CDHR3: variants seen among roughly 807,000 people sequenced by gnomAD.
The protein encoded by CDHR3 is cadherin-related family member 3.
A neutral mutation model predicts 86.6 loss-of-function variants in CDHR3; 79 were observed. That is an observed-to-expected ratio of 0.91 (90% confidence interval 0.76 to 1.10). CDHR3 has a LOEUF of 1.10. Ranked by LOEUF, CDHR3 falls within the 50% of genes least tolerant of loss-of-function variation. The pLI is 0.00. For missense variants in CDHR3, 1,081 were observed against 1,077.6 expected, an observed-to-expected ratio of 1.00 and a Z score of -0.04; for synonymous variants, 421 against 402.4, an observed-to-expected ratio of 1.05 and a Z score of -0.55.
intron 5 of CDHR3, among the ~76,000 whole-genome samples, chr7:105,995,804 A>AG (rs551245462): frequency 8.0e-4 from 121 of 152,172 alleles, no homozygotes; most frequent in African/African-American, 2.8e-3. Context: ...ATCCAAGCAA[A>AG]GGGGCTGATG....
chr7:105,990,731 G>GC (rs1831225993), intron 4 of CDHR3, among the ~76,000 whole-genome samples: 2 of 151,960 alleles, frequency 1.3e-5, no homozygotes, highest in Admixed American at 6.6e-5. Context: ...TGTTTCTACT[G>GC]AAAGCAACTG....
At position 105,987,875 on chromosome 7, in the gene CDHR3, G is replaced by A. The variant is rs576678714; in HGVS notation, c.513+3586G>A. Among the ~76,000 whole-genome samples the A allele has an allele frequency of 2.8e-4, 43 of 152,260 alleles. No individual in the cohort carries two copies. In the South Asian group the frequency reaches 5.8e-3, roughly 21 times the overall value. On this transcript the variant is annotated intron_variant, in intron 4 of 18. Coordinates refer to ENST00000317716, the MANE Select transcript of CDHR3 (RefSeq NM_152750.5). ...AATATCTTAGGCAATTATTCTGGAC[G>A]AAAAGGCTGGGAACACTGGTTTGTT...
rs770985011 is a variant in CDHR3 at position 106,028,603 on chromosome 7, G to A, written c.2304+21G>A. ...TGGTGGTGAGTATGGGCAGTGTGGG[G>A]CACCAGGCATAGACGCTGGGGGATA... On this transcript the variant is annotated intron_variant, in intron 17 of 18. Transcript: ENST00000317716. 8 of 1,613,560 alleles carry A rather than the reference G, an allele frequency of 5.0e-6. No individual in the cohort carries two copies. In the African/African-American group the frequency reaches 9.3e-5, roughly 19 times the overall value.
At position 106,020,458 on chromosome 7, in the gene CDHR3, A is replaced by T; in HGVS notation, c.1739A>T (p.Lys580Ile). ...TTCCTGGCCCTCCCAGTGGATCTGA[A>T]AGTTGGCACAAATATTCAGAATTTC... ...SYFLALPVDL[K>I]VGTNIQNFKL... The change falls in exon 13 of 19, where the codon AAA becomes ATA. Residue 580 changes from lysine to isoleucine, a missense_variant. Coordinates refer to ENST00000317716, the MANE Select transcript of CDHR3 (RefSeq NM_152750.5). 1 of 1,613,992 alleles carries T rather than the reference A, an allele frequency of 6.2e-7. No individual in the cohort carries two copies. Among genetic ancestry groups the T allele is most frequent in the Non-Finnish European group, 8.5e-7 (1 of 1,179,898 alleles).
intron 18 of CDHR3, 116 bp from the exon 19 acceptor site, chr7:106,032,277 C>A: frequency 1.0e-6 from 1 of 990,284 alleles, no homozygotes; most frequent in Non-Finnish European, 1.5e-6. Flanking sequence ...TGATTCACAC[C>A]TTCTAGTGTG....
intron 5 of CDHR3, among the ~76,000 whole-genome samples, chr7:105,995,296 T>C (rs1832015134): frequency 6.6e-6 from 1 of 152,068 alleles, no homozygotes; most frequent in African/African-American, 2.4e-5. Flanking sequence ...TCAGTCAGTA[T>C]TGTAAACCAT....
chr7:105,967,039 T>G (rs917523045), intron 1 of CDHR3, among the ~76,000 whole-genome samples: 2 of 152,110 alleles, frequency 1.3e-5, no homozygotes, highest in African/African-American at 2.4e-5. Context: ...TGTGCCATGT[T>G]GGTGTGCTGC....
chr7:106,001,502 G>A lies in CDHR3; in HGVS notation c.754G>A (p.Gly252Arg). The A allele has an allele frequency of 6.2e-7, 1 of 1,614,016 alleles. No homozygotes were observed. Among genetic ancestry groups the A allele is most frequent in the African/African-American group, 1.3e-5 (1 of 75,038 alleles). The change falls in exon 7 of 19, where the codon GGA becomes AGA. Residue 252 changes from glycine to arginine, a missense_variant. Coordinates refer to ENST00000317716, the MANE Select transcript of CDHR3 (RefSeq NM_152750.5). ...VYTVLEELSP[G>R]TIVANITAED... The stretch of plus-strand genomic sequence containing the variant: ...CACAGTCCTGGAGGAACTGAGTCCA[G>A]GAACCATCGTGGCCAATATCACAGC...
chr7:105,993,718 C>G (rs1334340588), intron 4 of CDHR3, among the ~76,000 whole-genome samples: 1 of 140,362 alleles, frequency 7.1e-6, no homozygotes, highest in African/African-American at 2.6e-5. Flanking sequence ...AGAAGAAGAA[C>G]TTGGACCTTG....
chr7:106,030,818 TG>T lies in CDHR3; in HGVS notation c.2332del (p.Asp778MetfsTer5). The T allele has an allele frequency of 1.2e-6, 2 of 1,611,604 alleles. No homozygotes were observed. The highest frequency in any genetic ancestry group is 1.7e-6 in the Non-Finnish European group (2 of 1,178,978). ...AAACTATCCAGATGAACACTATCTTTGATGGAGAAGCCATAGATCCAGGTAA... is the reference window on the plus strand; with the variant it reads ...AAACTATCCAGATGAACACTATCTTTATGGAGAAGCCATAGATCCAGGTAA... ...VETIQMNTIF[D>X]GEAIDPVTGE... On this transcript the variant is annotated frameshift_variant, in exon 18 of 19. Coordinates refer to ENST00000317716, the MANE Select transcript of CDHR3 (RefSeq NM_152750.5). LOFTEE classifies it high-confidence loss of function. The surrounding 1 kb of genome is among the most constrained non-coding windows in gnomAD (Gnocchi z 4.8).
At chr7:105,983,912 C>G (rs1300986503) in intron 3 of CDHR3, among the ~76,000 whole-genome samples, 3 of 152,100 alleles carry the variant, frequency 2.0e-5, no homozygotes, top group African/African-American at 7.2e-5. Context: ...TCCTTCTTCC[C>G]CCACCTCAAA....
At chr7:105,969,561 A>G (rs1238254198) in intron 1 of CDHR3, among the ~76,000 whole-genome samples, 1 of 152,230 alleles carries the variant, frequency 6.6e-6, no homozygotes, top group Non-Finnish European at 1.5e-5. Context: ...CGTTGAGGCC[A>G]GTTATAGAAC....
chr7:105,987,298 G>C (rs947747658), intron 4 of CDHR3, among the ~76,000 whole-genome samples: 1 of 152,172 alleles, frequency 6.6e-6, no homozygotes, highest in Non-Finnish European at 1.5e-5. Context: ...GGTACTCAGA[G>C]TTGCAGCAGA....
chr7:105,976,254 G>A (rs1443559450), intron 2 of CDHR3, among the ~76,000 whole-genome samples: 1 of 152,152 alleles, frequency 6.6e-6, no homozygotes, highest in Non-Finnish European at 1.5e-5. Context: ...TGTTGACAGT[G>A]CTTTGCGTGT....
intron 2 of CDHR3, among the ~76,000 whole-genome samples, chr7:105,976,007 G>T (rs1434169625): frequency 6.6e-6 from 1 of 152,190 alleles, no homozygotes; most frequent in Non-Finnish European, 1.5e-5. Flanking sequence ...CAGATTTCCG[G>T]TATTCTCATC....
chr7:106,019,288 T>C (rs1242915847), intron 12 of CDHR3, among the ~76,000 whole-genome samples: 1 of 152,168 alleles, frequency 6.6e-6, no homozygotes, highest in Non-Finnish European at 1.5e-5. Context: ...CTTCCTCCGA[T>C]AACTTGCTTT....
At position 105,980,967 on chromosome 7, in the gene CDHR3, G is replaced by C. The variant is rs1209518807; in HGVS notation, c.250-1G>C. 6.2e-7 allele frequency: 1 copy of C among 1,602,742 alleles called. No individual in the cohort carries two copies. The highest frequency in any genetic ancestry group is 1.7e-5 in the Admixed American group (1 of 58,104). On this transcript the variant is annotated splice_acceptor_variant, in intron 2 of 18. Transcript: ENST00000317716. LOFTEE classifies it high-confidence loss of function. Reference sequence around the variant, plus strand: ...ACTAAGAATTTTGCATTTTGTTTTAGGTTGTCACCACTGGGATGGAACAAC... The same window carrying C: ...ACTAAGAATTTTGCATTTTGTTTTACGTTGTCACCACTGGGATGGAACAAC...
intron 3 of CDHR3, among the ~76,000 whole-genome samples, chr7:105,981,407 A>G (rs1829712249): frequency 6.6e-6 from 1 of 152,148 alleles, no homozygotes; most frequent in South Asian, 2.1e-4. Flanking sequence ...CCTCGAGTGG[A>G]TCATTGTGGA....
rs1041663405 is a variant in CDHR3, at chr7:106,030,286, T to A, written c.2305-506T>A. ...CTTAGGTGAGGCCCAGATGCGACACTGCATTGGCCTAGGCAAGGGGAGGCC... is the reference window on the plus strand; with the variant it reads ...CTTAGGTGAGGCCCAGATGCGACACAGCATTGGCCTAGGCAAGGGGAGGCC... On this transcript the variant is annotated intron_variant, in intron 17 of 18. Coordinates refer to ENST00000317716, the MANE Select transcript of CDHR3 (RefSeq NM_152750.5). This position sits in a 1 kb window ranked among gnomAD's most constrained non-coding sequence, Gnocchi z 4.8. 1.1e-4 allele frequency among the ~76,000 whole-genome samples: 16 copies of A among 152,166 alleles called. No homozygotes were observed. Among genetic ancestry groups the A allele is most frequent in the Admixed American group, 1.3e-4 (2 of 15,284 alleles).
Sources: gnomAD v4.1 joint callset for allele counts (sites outside exome capture counted in the v4.1 genomes callset) on GRCh38, gnomAD v4.1.1 for gene constraint, Gnocchi (gnomAD v3.1) non-coding constraint, MANE v1.5 for transcripts, NCBI Gene and HGNC (gene_info 2026-07-23, HGNC 2026-07-21) for gene names.